Variants in BAZ1A observed in about 807,000 individuals in gnomAD.
BAZ1A encodes the protein bromodomain adjacent to zinc finger domain 1A.
Under a neutral mutation model 185.2 loss-of-function variants are expected in BAZ1A, and 50 were observed. The ratio of observed to expected loss-of-function variants is 0.27; its 90% CI spans 0.22 to 0.34. BAZ1A has a LOEUF of 0.34. BAZ1A is among the 10% of genes least tolerant of loss of function. The probability of loss-of-function intolerance (pLI) is 1.00; values close to 1 mark genes in which losing one functional copy is unlikely to be tolerated. For missense variants in BAZ1A, 1,356 were observed against 1,839.9 expected, an observed-to-expected ratio of 0.74 and a Z score of 4.81; for synonymous variants, 571 against 615.6, an observed-to-expected ratio of 0.93 and a Z score of 1.07.
At chr14:34,760,091 A>G (rs1247021192) in intron 24 of BAZ1A, among the ~76,000 whole-genome samples, 1 of 152,234 alleles carries the variant, frequency 6.6e-6, no homozygotes, top group Admixed American at 6.5e-5. Flanking sequence ...AAAGGGTAGT[A>G]TAGTCCATAT....
intron 7 of BAZ1A, among the ~76,000 whole-genome samples, chr14:34,802,628 A>G (rs1881626546): frequency 6.6e-6 from 1 of 152,192 alleles, no homozygotes; most frequent in Non-Finnish European, 1.5e-5. Context: ...CCACTTTGGT[A>G]TAGAATCCTT....
rs796421959 is a variant in BAZ1A at position 34,832,215 on chromosome 14, C to CATAT, written c.393-6063_393-6060dup. Reference sequence around the variant, plus strand: ...ATACACACACACACACACACACACACATATATATATATATATGTATGTATG... The same window carrying CATAT: ...ATACACACACACACACACACACACACATATATATATATATATATATGTATGTATG... On this transcript the variant is annotated intron_variant, in intron 3 of 26. Coordinates refer to ENST00000360310, the MANE Select transcript of BAZ1A (RefSeq NM_013448.3). 4.5e-3 allele frequency among the ~76,000 whole-genome samples: 406 copies of CATAT among 89,712 alleles called. 15 individuals are homozygous for CATAT. Among genetic ancestry groups the CATAT allele is most frequent in the Non-Finnish European group, 7.0e-3 (299 of 42,736 alleles). The allele number at this position is 89,712 out of a possible 152,430, so 58.9% of individuals were successfully genotyped here. A position where few individuals can be genotyped will look rare whatever the true frequency, so the allele number is the denominator to read the frequency against.
At chr14:34,770,483 C>T (rs12431818) in intron 21 of BAZ1A, among the ~76,000 whole-genome samples, 32,665 of 152,102 alleles carry the variant, frequency 0.21, 3,771 homozygotes, top group Non-Finnish European at 0.26. Flanking sequence ...TTAGTCAATT[C>T]AAGTAGTTCT....
chr14:34,828,017 G>C, intron 3 of BAZ1A, among the ~76,000 whole-genome samples: 1 of 151,890 alleles, frequency 6.6e-6, no homozygotes, highest in South Asian at 2.1e-4. Flanking sequence ...TTAATCGGCC[G>C]GGTGTGGTGG....
chr14:34,849,321 T>C (rs2042562978), intron 3 of BAZ1A, among the ~76,000 whole-genome samples: 1 of 152,172 alleles, frequency 6.6e-6, no homozygotes, highest in Non-Finnish European at 1.5e-5. Flanking sequence ...GGCACACATC[T>C]GTGTGTTCTG....
intron 4 of BAZ1A, among the ~76,000 whole-genome samples, chr14:34,824,834 A>G (rs548185572): frequency 2.6e-5 from 4 of 152,340 alleles, no homozygotes; most frequent in African/African-American, 4.8e-5. Flanking sequence ...AAAATAGGAA[A>G]CCAAGAAAGA....
At chr14:34,830,641 A>G (rs1353015066) in intron 3 of BAZ1A, among the ~76,000 whole-genome samples, 1 of 152,018 alleles carries the variant, frequency 6.6e-6, no homozygotes, top group East Asian at 1.9e-4. Context: ...TAAATGGGTG[A>G]ATTTTATGGT....
At chr14:34,839,006 A>AC (rs2042371660) in intron 3 of BAZ1A, among the ~76,000 whole-genome samples, 1 of 152,262 alleles carries the variant, frequency 6.6e-6, no homozygotes. Context: ...TAATGATGAC[A>AC]CTGTAGTATT....
intron 17 of BAZ1A, among the ~76,000 whole-genome samples, chr14:34,779,410 C>G (rs1378142460): frequency 6.6e-6 from 1 of 151,752 alleles, no homozygotes; most frequent in East Asian, 1.9e-4. Flanking sequence ...TCTTTTGACC[C>G]AATATTTAGA....
chr14:34,827,043 C>T (rs2042174141), intron 3 of BAZ1A, among the ~76,000 whole-genome samples: 1 of 152,106 alleles, frequency 6.6e-6, no homozygotes, highest in Non-Finnish European at 1.5e-5. Context: ...GGGACTTGCA[C>T]CAGTGTCCCC....
intron 2 of BAZ1A, among the ~76,000 whole-genome samples, chr14:34,863,871 G>C (rs921616482): frequency 4.0e-5 from 6 of 150,896 alleles, no homozygotes; most frequent in South Asian, 2.1e-4. Flanking sequence ...TTTTAAGAGA[G>C]TCTCACTCTG....
chr14:34,837,145 G>T (rs2042343509), intron 3 of BAZ1A, among the ~76,000 whole-genome samples: 1 of 151,708 alleles, frequency 6.6e-6, no homozygotes, highest in African/African-American at 2.4e-5. Context: ...TCTCCAACTG[G>T]CATTTGACCT....
At chr14:34,870,320 G>A (rs1020314541) in intron 2 of BAZ1A, among the ~76,000 whole-genome samples, 1 of 152,064 alleles carries the variant, frequency 6.6e-6, no homozygotes, top group Admixed American at 6.6e-5. Context: ...AGGACAATAC[G>A]GCAGGCTTAT....
At chr14:34,753,746 T>G in intron 26 of BAZ1A, 42 bp from the exon 27 acceptor site, 2 of 1,357,548 alleles carry the variant, frequency 1.5e-6, no homozygotes, top group Non-Finnish European at 2.0e-6. Context: ...TGAAAGTACA[T>G]AAATTATAAT....
intron 4 of BAZ1A, among the ~76,000 whole-genome samples, chr14:34,823,679 GATAA>G (rs1386737103): frequency 6.6e-6 from 1 of 151,920 alleles, no homozygotes; most frequent in Non-Finnish European, 1.5e-5. Flanking sequence ...AAATTTTTCA[GATAA>G]ATAAATGCTT....
intron 3 of BAZ1A, among the ~76,000 whole-genome samples, chr14:34,845,859 CAAAA>C (rs3062591): frequency 0.12 from 13,533 of 115,014 alleles, 597 homozygotes; most frequent in South Asian, 0.21. Flanking sequence ...GACTCTGTCT[CAAAA>C]AAAAAAAAAA....
In BAZ1A at chr14:34,776,125, C is replaced by T. The variant is rs756601069; in HGVS notation, c.2627G>A (p.Arg876His). Reference protein sequence around the residue: ...ESTSNIDQGPRDHSVQLPKPV... With the variant: ...ESTSNIDQGPHDHSVQLPKPV... ...TTTTGGCAGCTGCACAGAATGGTCA[C>T]GTGGACCTTGGTCAATGTTGGAGGT... The change falls in exon 18 of 27, where the codon CGT becomes CAT. Residue 876 changes from arginine (R) to histidine (H), a missense_variant. By Grantham distance (29) the Arg-to-His change is conservative. Around this residue, in one of 7 missense-constraint regions of BAZ1A, gnomAD observed 434 missense variants for 561.7 expected, o/e 0.77. Coordinates refer to ENST00000360310, the MANE Select transcript of BAZ1A (RefSeq NM_013448.3). The T allele has an allele frequency of 5.2e-5, 84 of 1,614,044 alleles. No homozygotes were observed. Among genetic ancestry groups the T allele is most frequent in the Non-Finnish European group, 6.2e-5 (73 of 1,180,046 alleles).
intron 2 of BAZ1A, among the ~76,000 whole-genome samples, chr14:34,867,476 G>T (rs1314286616): frequency 6.6e-6 from 1 of 152,150 alleles, no homozygotes; most frequent in Non-Finnish European, 1.5e-5. Context: ...GCTAAACGCA[G>T]TGAAGTGCAA....
intron 3 of BAZ1A, among the ~76,000 whole-genome samples, chr14:34,854,400 C>A (rs201479063): frequency 6.6e-6 from 1 of 151,760 alleles, no homozygotes; most frequent in Non-Finnish European, 1.5e-5. Flanking sequence ...CCAGCCTGGG[C>A]GACAGAGTGA....
Sources: gnomAD v4.1 joint callset for allele counts (sites outside exome capture counted in the v4.1 genomes callset) on GRCh38, gnomAD v4.1.1 for gene constraint, gnomAD v4.1.1 regional missense constraint, MANE v1.5 for transcripts, NCBI Gene and HGNC (gene_info 2026-07-23, HGNC 2026-07-21) for gene names.